Variants in CERS6 observed in about 807,000 individuals in gnomAD.
CERS6 encodes the protein ceramide synthase 6.
CERS6 carries 26 observed loss-of-function variants against 56.8 expected under a neutral mutation model. That is an observed-to-expected ratio of 0.46 (90% CI 0.34 to 0.63). The LOEUF (loss-of-function observed/expected upper bound fraction) is 0.63, where lower values mean the gene tolerates loss of function less well. Ranked by LOEUF, CERS6 falls within the 30% of genes least tolerant of loss-of-function variation. CERS6 has a pLI of 0.01. For synonymous variants in CERS6, 164 were observed against 173.3 expected (o/e 0.95, Z 0.42); for missense variants, 415 against 467.5 (o/e 0.89, Z 1.04).
intron 1 of CERS6, among the ~76,000 whole-genome samples, chr2:168,464,610 AGT>A (rs1693837780): frequency 6.6e-6 from 1 of 150,642 alleles, no homozygotes; most frequent in Non-Finnish European, 1.5e-5. Context: ...TATTATGGAG[AGT>A]GAGGCAGAGA....
chr2:168,723,269 C>T (rs1683230900), intron 8 of CERS6, among the ~76,000 whole-genome samples: 1 of 152,192 alleles, frequency 6.6e-6, no homozygotes, highest in South Asian at 2.1e-4. Context: ...CAGTCCCTTC[C>T]AGTTGCACAC....
chr2:168,718,444 C>G (rs940112544), intron 8 of CERS6, among the ~76,000 whole-genome samples: 3 of 152,142 alleles, frequency 2.0e-5, no homozygotes, highest in Non-Finnish European at 2.9e-5. Context: ...GTGAGAAACT[C>G]TGGATATAAG....
chr2:168,668,250 A>T (rs1430387318), intron 4 of CERS6, among the ~76,000 whole-genome samples: 3 of 152,014 alleles, frequency 2.0e-5, no homozygotes, highest in South Asian at 2.1e-4. Flanking sequence ...TCCTAACCCC[A>T]TTATTCCTAC....
chr2:168,678,342 C>T (rs1167140735), intron 4 of CERS6, among the ~76,000 whole-genome samples: 1 of 152,180 alleles, frequency 6.6e-6, no homozygotes, highest in African/African-American at 2.4e-5. Flanking sequence ...TCTGAGCTCC[C>T]ACTGGCTGGA....
At chr2:168,547,425 A>G (rs1047467173) in intron 1 of CERS6, among the ~76,000 whole-genome samples, 171 bp from the exon 2 acceptor site, 2 of 152,148 alleles carry the variant, frequency 1.3e-5, no homozygotes, top group Non-Finnish European at 2.9e-5. Context: ...ACAGAGAGAA[A>G]AACGGTTAAG....
intron 1 of CERS6, among the ~76,000 whole-genome samples, chr2:168,483,344 T>A (rs1336154012): frequency 6.6e-6 from 1 of 151,936 alleles, no homozygotes; most frequent in Non-Finnish European, 1.5e-5. Context: ...GGAAGCTCTG[T>A]GTGCTTATTG....
At position 168,492,267 on chromosome 2, in the gene CERS6, C is replaced by G. The variant is rs576368727; in HGVS notation, c.170+35649C>G. On this transcript the variant is annotated intron_variant, in intron 1 of 9. Coordinates refer to ENST00000305747, the MANE Select transcript of CERS6 (RefSeq NM_203463.3). ...TAAAAGCATTCCTATTCGTCCACAT[C>G]CTCTCCAGCATCTGTCGTTTCCTGA... Among the ~76,000 whole-genome samples, 4 of 152,348 alleles carry G rather than the reference C, an allele frequency of 2.6e-5. No homozygotes were observed. The East Asian group carries it at 7.7e-4, about 29-fold the overall frequency.
intron 1 of CERS6, among the ~76,000 whole-genome samples, chr2:168,457,635 C>A (rs1693697503): frequency 1.3e-5 from 2 of 152,250 alleles, no homozygotes; most frequent in Admixed American, 1.3e-4. Context: ...TTTCTTAGAT[C>A]ACAAAGTAGA....
chr2:168,611,219 T>G (rs1230719006), intron 3 of CERS6, among the ~76,000 whole-genome samples: 1 of 152,188 alleles, frequency 6.6e-6, no homozygotes, highest in African/African-American at 2.4e-5. Flanking sequence ...TGACAACACT[T>G]GAGTTTGCAT....
intron 6 of CERS6, among the ~76,000 whole-genome samples, chr2:168,711,680 G>C (rs1298605910): frequency 6.7e-6 from 1 of 148,350 alleles, no homozygotes; most frequent in Non-Finnish European, 1.5e-5. Context: ...GTTGCAGTGA[G>C]CTGAGATCCC....
chr2:168,616,129 A>G (rs755353500), intron 3 of CERS6, among the ~76,000 whole-genome samples: 7 of 152,240 alleles, frequency 4.6e-5, no homozygotes, highest in Non-Finnish European at 1.0e-4. Context: ...TAAGCTTCAC[A>G]AATGAAGGAA....
intron 3 of CERS6, among the ~76,000 whole-genome samples, chr2:168,564,778 TACCCCTGCATCCTGAGAGTACTAGG>T: frequency 6.6e-6 from 1 of 152,202 alleles, no homozygotes; most frequent in African/African-American, 2.4e-5. Flanking sequence ...TGAGCACAGC[TACCCCTGCATCCTGAGAGTACTAGG>T]AATTTAACCC....
chr2:168,730,751 T>C (rs1358292218), intron 8 of CERS6, among the ~76,000 whole-genome samples: 2 of 152,182 alleles, frequency 1.3e-5, no homozygotes, highest in Non-Finnish European at 2.9e-5. Context: ...ACTTATAATT[T>C]TCACAAACAG....
At chr2:168,540,063 TG>T (rs1695338958) in intron 1 of CERS6, among the ~76,000 whole-genome samples, 1 of 152,222 alleles carries the variant, frequency 6.6e-6, no homozygotes, top group African/African-American at 2.4e-5. Context: ...ATATTTGAAA[TG>T]GGAATCTGGA....
intron 4 of CERS6, among the ~76,000 whole-genome samples, chr2:168,645,110 A>ATATATATATATATATATATATAT (rs1685147700): frequency 1.7e-5 from 1 of 58,916 alleles, no homozygotes; most frequent in African/African-American, 6.3e-5. Context: ...AAAAAAAAAA[A>ATATATATATATATATATATATAT]AAAAAAATAT....
At chr2:168,634,957 A>C (rs1251277318) in intron 4 of CERS6, among the ~76,000 whole-genome samples, 2 of 152,212 alleles carry the variant, frequency 1.3e-5, no homozygotes, top group East Asian at 3.8e-4. Flanking sequence ...ATGAGATAAG[A>C]AGCTTGCACC....
chr2:168,666,084 C>T (rs1384288593), intron 4 of CERS6, among the ~76,000 whole-genome samples: 4 of 151,838 alleles, frequency 2.6e-5, no homozygotes, highest in Non-Finnish European at 5.9e-5. Context: ...CCCTGCACTC[C>T]CCAGTTTTCC....
rs145035633 is a variant in CERS6 at position 168,625,032 on chromosome 2, T to C, written c.408-5953T>C. 1.5e-3 allele frequency among the ~76,000 whole-genome samples: 228 copies of C among 152,324 alleles called. 6 individuals carry two copies. In the East Asian group the frequency reaches 0.035, roughly 24 times the overall value. ...GTGAGATACAGCGCAGTGATTTATATTGTGTTAAATTTTATGAAAGAAAAA... is the reference window on the plus strand; with the variant it reads ...GTGAGATACAGCGCAGTGATTTATACTGTGTTAAATTTTATGAAAGAAAAA... On this transcript the variant is annotated intron_variant, in intron 3 of 9. Transcript: ENST00000305747.
chr2:168,749,585 ACTGT>A (rs1684202134), intron 8 of CERS6, among the ~76,000 whole-genome samples: 1 of 152,160 alleles, frequency 6.6e-6, no homozygotes, highest in Non-Finnish European at 1.5e-5. Flanking sequence ...GGAAGCTGGG[ACTGT>A]GGCTAAGTGA....
Sources: allele counts gnomAD v4.1 joint callset (sites outside exome capture counted in the v4.1 genomes callset), GRCh38; gene constraint gnomAD v4.1.1; transcripts MANE v1.5; gene names NCBI Gene and HGNC (gene_info 2026-07-23, HGNC 2026-07-21).